Variants in UBE3A observed in about 807,000 individuals in gnomAD.
UBE3A encodes the protein ubiquitin-protein ligase E3A.
Under a neutral mutation model 83.4 loss-of-function variants are expected in UBE3A, and 6 were observed. The observed-to-expected ratio is 0.07, with a 90% CI of 0.04 to 0.14. The LOEUF is 0.14. Ranked by LOEUF, UBE3A falls within the 10% of genes least tolerant of loss-of-function variation. The pLI, the probability that UBE3A is intolerant of heterozygous loss-of-function variation, is 1.00. For synonymous variants in UBE3A, 337 were observed against 355.4 expected, an observed-to-expected ratio of 0.95 and a Z score of 0.58; for missense variants, 456 against 1,036.1, an observed-to-expected ratio of 0.44 and a Z score of 7.69.
In UBE3A at chr15:25,354,189, G is replaced by A. The variant is rs112494329; in HGVS notation, c.2354+164C>T. On this transcript the variant is annotated intron_variant, in intron 11 of 12. Transcript: ENST00000648336. ...ATTCATGAAATAAATCACAAGATTA[G>A]CTCTGAAAAATGGTGATTATATTAC... is the stretch of plus-strand genomic sequence containing the variant. The A allele has an allele frequency of 0.01, 6,747 of 670,516 alleles. 43 individuals are homozygous for A. Among genetic ancestry groups the A allele is most frequent in the Non-Finnish European group, 0.015 (5,583 of 380,218 alleles). 41.5% of individuals were successfully genotyped at this position (670,516 alleles called of 1,614,324 possible).
At chr15:25,381,855 T>G (rs1490540113) in intron 4 of UBE3A, among the ~76,000 whole-genome samples, 1 of 152,220 alleles carries the variant, frequency 6.6e-6, no homozygotes, top group Non-Finnish European at 1.5e-5. Context: ...TACAATGGGA[T>G]GAAGTGAATT....
intron 1 of UBE3A, among the ~76,000 whole-genome samples, chr15:25,422,880 C>A (rs1890244226): frequency 6.6e-6 from 1 of 150,744 alleles, no homozygotes; most frequent in Non-Finnish European, 1.5e-5. Context: ...TGTCTATAAT[C>A]TTAGCTACTT....
At position 25,375,691 on chromosome 15, in the gene UBE3A, G is replaced by C; in HGVS notation, c.135C>G (p.Ala45=). 1 of 1,614,136 alleles carries C rather than the reference G, an allele frequency of 6.2e-7. No individual in the cohort carries two copies. The highest frequency in any genetic ancestry group is 1.6e-4 in the Middle Eastern group (1 of 6,062). Residue 45 remains alanine (A), a synonymous_variant, in exon 5 of 13, where the codon GCC becomes GCG. Transcript: ENST00000648336. ...AGGAAGCACAAAACTCATTCGTGCA[G>C]GCTTCATTTCCACAGCCCTCAGTTA... ...HQLTEGCGNE[A]CTNEFCASCP...
rs1474433353 is a variant in UBE3A at position 25,334,147 on chromosome 15, G to A, written c.*4990C>T. On this transcript the variant is annotated 3_prime_UTR_variant, in exon 13 of 13. Coordinates refer to ENST00000648336, the MANE Select transcript of UBE3A (RefSeq NM_130839.5). ...AGGAATCTAGACTGGAAAGGAAGAAGTAAAAGTATTTCTGTTCACAGATGC... is the reference window on the plus strand; with the variant it reads ...AGGAATCTAGACTGGAAAGGAAGAAATAAAAGTATTTCTGTTCACAGATGC... The A allele has an allele frequency of 1.3e-5, 2 of 151,936 alleles. No homozygotes were observed. The highest frequency in any genetic ancestry group is 4.8e-5 in the African/African-American group (2 of 41,382). The allele number at this position is 151,936 out of a possible 1,614,324, so 9.4% of individuals were successfully genotyped here. A position where few individuals can be genotyped will look rare whatever the true frequency, so the allele number is the denominator to read the frequency against.
At chr15:25,369,458 T>A (rs117483341) in intron 6 of UBE3A, among the ~76,000 whole-genome samples, 3,735 of 151,842 alleles carry the variant, frequency 0.025, 69 homozygotes, top group Non-Finnish European at 0.037. Context: ...TACAGCTTTA[T>A]GAATTCTCGA....
intron 4 of UBE3A, among the ~76,000 whole-genome samples, chr15:25,398,650 C>G (rs565738729): frequency 2.0e-5 from 3 of 151,182 alleles, no homozygotes; most frequent in Non-Finnish European, 4.4e-5. Context: ...ACTGTGTATA[C>G]ATACCACATT....
Position 25,408,393 on chromosome 15 carries a change from A to C in UBE3A, c.20+695T>G, listed in dbSNP as rs556987478. ...AATTCAAAACATATAACCAAAGGGA[A>C]ATTTTTGTATTAAACTATTGACTTA... On this transcript the variant is annotated intron_variant, in intron 3 of 12. Transcript: ENST00000648336. 5.8e-4 allele frequency: 359 copies of C among 614,510 alleles called. 1 individual carries two copies. The Middle Eastern group carries it at 6.1e-3, about 10-fold the overall frequency. 38.1% of individuals were successfully genotyped at this position (614,510 alleles called of 1,614,324 possible).
At chr15:25,396,445 AAAAC>A (rs1246004620) in intron 4 of UBE3A, among the ~76,000 whole-genome samples, 7 of 151,874 alleles carry the variant, frequency 4.6e-5, no homozygotes, top group African/African-American at 7.2e-5. Flanking sequence ...GTCTCTACAA[AAAAC>A]AAACAAACAA....
Position 25,336,395 on chromosome 15 carries a change from G to A in UBE3A, c.*2742C>T, listed in dbSNP as rs569174782. The stretch of plus-strand genomic sequence containing the variant: ...ATGGAATTCTTGAGAAAAATTCCTC[G>A]AAGGGGCCTGAAATCTCAGAATGGT... On this transcript the variant is annotated 3_prime_UTR_variant, in exon 13 of 13. Transcript: ENST00000648336. The A allele has an allele frequency of 1.0e-3, 157 of 152,274 alleles. No homozygotes were observed. Among genetic ancestry groups the A allele is most frequent in the African/African-American group, 3.3e-3 (137 of 41,550 alleles). The allele number at this position is 152,274 out of a possible 1,614,324, so 9.4% of individuals were successfully genotyped here. A position where few individuals can be genotyped will look rare whatever the true frequency, so the allele number is the denominator to read the frequency against.
intron 6 of UBE3A, among the ~76,000 whole-genome samples, chr15:25,366,866 T>C (rs1428306875): frequency 1.3e-5 from 2 of 152,112 alleles, no homozygotes; most frequent in African/African-American, 2.4e-5. Flanking sequence ...TTGTGGAGTA[T>C]TACCAGAAGT....
In UBE3A at chr15:25,334,851, T is replaced by A. The variant is rs894231873; in HGVS notation, c.*4286A>T. 1 of 152,224 alleles carries A rather than the reference T, an allele frequency of 6.6e-6. No individual in the cohort carries two copies. Among genetic ancestry groups the A allele is most frequent in the African/African-American group, 2.4e-5 (1 of 41,462 alleles). 9.4% of individuals were successfully genotyped at this position (152,224 alleles called of 1,614,324 possible). A position where few individuals can be genotyped will look rare whatever the true frequency, so the allele number is the denominator to read the frequency against. ...GGGCAGATGGATATACAGATACCAATGCACTTATGCAAAAAATGGATGAAA... is the reference window on the plus strand; with the variant it reads ...GGGCAGATGGATATACAGATACCAAAGCACTTATGCAAAAAATGGATGAAA... On this transcript the variant is annotated 3_prime_UTR_variant, in exon 13 of 13. Transcript: ENST00000648336.
At chr15:25,419,811 G>A (rs1235161677) in intron 1 of UBE3A, among the ~76,000 whole-genome samples, 5 of 152,024 alleles carry the variant, frequency 3.3e-5, no homozygotes, top group Middle Eastern at 3.4e-3. Flanking sequence ...TATACATTAA[G>A]AGGAATAATA....
At chr15:25,427,352 T>TTC (rs1230207145) in intron 1 of UBE3A, among the ~76,000 whole-genome samples, 1 of 151,658 alleles carries the variant, frequency 6.6e-6, no homozygotes, top group Non-Finnish European at 1.5e-5. Flanking sequence ...TTGAGCCCTA[T>TTC]AAGATAGAAG....
At chr15:25,435,674 TG>T (rs1439594818) in intron 1 of UBE3A, among the ~76,000 whole-genome samples, 1 of 152,208 alleles carries the variant, frequency 6.6e-6, no homozygotes, top group Admixed American at 6.5e-5. Context: ...ACCTTGATCT[TG>T]GACTTCTCAG....
chr15:25,367,206 T>TAAATATGTAAATATTTACATATTTGC (rs2079331351), intron 6 of UBE3A, among the ~76,000 whole-genome samples: 2 of 95,262 alleles, frequency 2.1e-5, no homozygotes, highest in African/African-American at 9.8e-5. Flanking sequence ...TACATATTTG[T>TAAATATGTAAATATTTACATATTTGC]AAATATGTAA....
chr15:25,405,464 C>T lies in UBE3A; in HGVS notation c.59G>A (p.Arg20Gln). 11 of 1,613,868 alleles carry T rather than the reference C, an allele frequency of 6.8e-6. No homozygotes were observed. Among genetic ancestry groups the T allele is most frequent in the Non-Finnish European group, 9.3e-6 (11 of 1,179,868 alleles). Reference protein sequence around the residue: ...EPQSDDIEASRMKRAAAKHLI... With the variant: ...EPQSDDIEASQMKRAAAKHLI... Reference sequence around the variant, plus strand: ...GTCTCAACCAAGTTACACTTACATTCGGCTAGCTTCAATGTCGTCAGACTG... The same window carrying T: ...GTCTCAACCAAGTTACACTTACATTTGGCTAGCTTCAATGTCGTCAGACTG... The change falls in exon 4 of 13, where the codon CGA (arginine) becomes CAA (glutamine). Residue 20 changes from arginine to glutamine, a missense_variant. Physicochemically the swap from Arg to Gln is conservative, Grantham distance 43. Transcript: ENST00000648336.
In UBE3A at chr15:25,337,322, C is replaced by T. The variant is rs2074022399; in HGVS notation, c.*1815G>A. On this transcript the variant is annotated 3_prime_UTR_variant, in exon 13 of 13. Coordinates refer to ENST00000648336, the MANE Select transcript of UBE3A (RefSeq NM_130839.5). ...CTCACTTTAATTACACATTAAGAAG[C>T]ACAGTGGATGAGAAGCCTTTAAGAT... 1 of 152,116 alleles carries T rather than the reference C, an allele frequency of 6.6e-6. No homozygotes were observed. The highest frequency in any genetic ancestry group is 6.6e-5 in the Admixed American group (1 of 15,262). The allele number at this position is 152,116 out of a possible 1,614,324, so 9.4% of individuals were successfully genotyped here. A position where few individuals can be genotyped will look rare whatever the true frequency, so the allele number is the denominator to read the frequency against.
At chr15:25,430,598 ATTACT>A (rs1338460622) in intron 1 of UBE3A, among the ~76,000 whole-genome samples, 1 of 151,870 alleles carries the variant, frequency 6.6e-6, no homozygotes, top group Non-Finnish European at 1.5e-5. Context: ...ACTATTTAAA[ATTACT>A]TTAAGTGTTG....
At chr15:25,366,541 C>T (rs2079130402) in intron 6 of UBE3A, among the ~76,000 whole-genome samples, 1 of 152,060 alleles carries the variant, frequency 6.6e-6, no homozygotes, top group South Asian at 2.1e-4. Context: ...TATTTTTGAA[C>T]TTCCCTATTC....
Sources: gnomAD v4.1 joint callset for allele counts (sites outside exome capture counted in the v4.1 genomes callset) on GRCh38, gnomAD v4.1.1 for gene constraint, MANE v1.5 for transcripts, NCBI Gene and HGNC (gene_info 2026-07-23, HGNC 2026-07-21) for gene names.